SMC3: variants seen among roughly 807,000 people sequenced by gnomAD.
The protein encoded by SMC3 is structural maintenance of chromosomes protein 3.
Under a neutral mutation model 171.8 loss-of-function variants are expected in SMC3, and 20 were observed. That is an observed-to-expected ratio of 0.12 (90% CI 0.08 to 0.17). The LOEUF (loss-of-function observed/expected upper bound fraction) is 0.17, where lower values mean the gene tolerates loss of function less well. SMC3 is among the 10% of genes least tolerant of loss of function. The pLI is 1.00. For missense variants in SMC3, 543 were observed against 1,420.4 expected, an observed-to-expected ratio of 0.38 and a Z score of 9.93; for synonymous variants, 464 against 451.1, an observed-to-expected ratio of 1.03 and a Z score of -0.36.
In SMC3 at chr10:110,599,681, A is replaced by G; in HGVS notation, c.2296A>G (p.Ser766Gly). Reference protein sequence around the residue: ...KQRSLQSLEASLHAMESTRES... With the variant: ...KQRSLQSLEAGLHAMESTRES... Reference sequence around the variant, plus strand: ...ACGTAGCTTACAGAGTTTGGAGGCAAGCTTGCATGCTATGGAGTCTACCAG... The same window carrying G: ...ACGTAGCTTACAGAGTTTGGAGGCAGGCTTGCATGCTATGGAGTCTACCAG... Residue 766 changes from serine (S) to glycine (G), a missense_variant, in exon 21 of 29, where the codon AGC becomes GGC. Coordinates refer to ENST00000361804, the MANE Select transcript of SMC3 (RefSeq NM_005445.4). 1.2e-6 allele frequency: 2 copies of G among 1,614,172 alleles called. No homozygotes were observed. The highest frequency in any genetic ancestry group is 1.7e-5 in the Admixed American group (1 of 60,030).
rs551070869 is a variant in SMC3, at chr10:110,598,887, G to A, written c.2268+597G>A. On this transcript the variant is annotated intron_variant, in intron 20 of 28. Coordinates refer to ENST00000361804, the MANE Select transcript of SMC3 (RefSeq NM_005445.4). ...TTGTCAGTAACCATTTTTATCTGAA[G>A]CACAATGGAATTAGTTGAATATTTG... Among the ~76,000 whole-genome samples, 38 of 152,196 alleles carry A rather than the reference G, an allele frequency of 2.5e-4. 2 individuals carry two copies. The South Asian group carries it at 7.5e-3, about 30-fold the overall frequency.
At chr10:110,569,681 C>T (rs1860841011) in intron 2 of SMC3, among the ~76,000 whole-genome samples, 1 of 151,990 alleles carries the variant, frequency 6.6e-6, no homozygotes, top group South Asian at 2.1e-4. Flanking sequence ...TTCTGAGAAG[C>T]TTCAGTTTTC....
intron 2 of SMC3, among the ~76,000 whole-genome samples, chr10:110,572,993 A>G (rs1481765091): frequency 1.3e-5 from 2 of 152,098 alleles, no homozygotes; most frequent in African/African-American, 4.8e-5. Context: ...GCGTTTTTTT[A>G]AAAAGTACAT....
At chr10:110,580,872 C>T in intron 7 of SMC3, 32 bp from the exon 8 acceptor site, 1 of 1,123,378 alleles carries the variant, frequency 8.9e-7, no homozygotes, top group Non-Finnish European at 1.4e-6. Context: ...GAGGCTACAG[C>T]TATGTAATGA....
At chr10:110,569,342 G>C (rs773648332) in intron 2 of SMC3, among the ~76,000 whole-genome samples, 6 of 152,046 alleles carry the variant, frequency 3.9e-5, no homozygotes, top group Non-Finnish European at 8.8e-5. Context: ...TTCAGAGACA[G>C]ACAATTTTTA....
chr10:110,599,475 A>G (rs1861354204), intron 20 of SMC3, among the ~76,000 whole-genome samples, 179 bp from the exon 21 acceptor site: 1 of 152,138 alleles, frequency 6.6e-6, no homozygotes, highest in South Asian at 2.1e-4. Context: ...TGCCCCACCT[A>G]TACTATTACA....
At chr10:110,589,763 G>A in intron 14 of SMC3, 55 bp downstream of exon 14, 3 of 1,410,216 alleles carry the variant, frequency 2.1e-6, no homozygotes, top group East Asian at 2.3e-5. Flanking sequence ...GTTACTAGCT[G>A]TTATGTGGTC....
chr10:110,577,510 T>A lies in SMC3; in HGVS notation c.270+18T>A, dbSNP rs1343930250. 5.9e-6 allele frequency: 9 copies of A among 1,521,492 alleles called. 1 individual carries two copies. The highest frequency in any genetic ancestry group is 3.4e-5 in the South Asian group (3 of 88,982). The allele number at this position is 1,521,492 out of a possible 1,614,324, so 94.2% of individuals were successfully genotyped here. A position where few individuals can be genotyped will look rare whatever the true frequency, so the allele number is the denominator to read the frequency against. On this transcript the variant is annotated intron_variant, in intron 5 of 28. Transcript: ENST00000361804. ...GGTTACCAGTAAGTAACTTTTTTTTTAAAGTAATGTTGAGAATTTAATTGG... is the reference window on the plus strand; with the variant it reads ...GGTTACCAGTAAGTAACTTTTTTTTAAAAGTAATGTTGAGAATTTAATTGG...
chr10:110,604,506 C>G lies in SMC3; in HGVS notation c.*204C>G, dbSNP rs1380082700. 3 of 509,798 alleles carry G rather than the reference C, an allele frequency of 5.9e-6. No individual in the cohort carries two copies. The highest frequency in any genetic ancestry group is 1.0e-5 in the Non-Finnish European group (3 of 287,148). The allele number at this position is 509,798 out of a possible 1,614,324, so 31.6% of individuals were successfully genotyped here. On this transcript the variant is annotated 3_prime_UTR_variant, in exon 29 of 29. Transcript: ENST00000361804. ...TAGTTTAAGAATTTAATTTCCTGTA[C>G]AACTTTTTGTAAAATGTTCTGCTCC...
Position 110,601,632 on chromosome 10 carries a change from C to G in SMC3, c.2645-5C>G, listed in dbSNP as rs759657103. 3.1e-6 allele frequency: 5 copies of G among 1,610,500 alleles called. No individual in the cohort carries two copies. The African/African-American group carries it at 6.7e-5, about 22-fold the overall frequency. ...ATAGCCTAATTTTGTTTCCCCCCAT[C>G]TTAGATTTGGACAATTCCATTGATA... On this transcript the variant is annotated splice_region_variant and splice_polypyrimidine_tract_variant and intron_variant, in intron 23 of 28. Coordinates refer to ENST00000361804, the MANE Select transcript of SMC3 (RefSeq NM_005445.4).
At chr10:110,582,361 GTTGTA>G (rs1590555527) in intron 9 of SMC3, among the ~76,000 whole-genome samples, 196 bp from the exon 10 acceptor site, 2 of 13,290 alleles carry the variant, frequency 1.5e-4, no homozygotes, top group East Asian at 2.0e-3. Context: ...GCTTCTTGTA[GTTGTA>G]GTATATCCTA....
At chr10:110,573,605 G>T (rs1860905527) in intron 2 of SMC3, 102 bp from the exon 3 acceptor site, 3 of 782,416 alleles carry the variant, frequency 3.8e-6, no homozygotes, top group Non-Finnish European at 6.4e-6. Context: ...AGATGTATTA[G>T]AAAATTGGAT....
intron 23 of SMC3, 99 bp from the exon 24 acceptor site, chr10:110,601,537 TA>T: frequency 7.6e-7 from 1 of 1,317,496 alleles, no homozygotes; most frequent in Non-Finnish European, 1.1e-6. Context: ...ACACAAAACC[TA>T]AAACCTATTT....
intron 19 of SMC3, 103 bp downstream of exon 19, chr10:110,596,653 GTGTTT>G (rs1210515370): frequency 8.2e-6 from 9 of 1,093,932 alleles, no homozygotes; most frequent in South Asian, 4.7e-5. Flanking sequence ...AAAATTTCTT[GTGTTT>G]TAAGTTCAAG....
Position 110,575,383 on chromosome 10 carries a change from C to T in SMC3, c.178C>T (p.Gln60Ter). ...SDEFSHLRPEQRLALLHEGTG... is the reference protein window; with the variant it reads ...SDEFSHLRPE ...TGAGTTTAGTCATCTTCGTCCAGAA[C>T]AGCGGTTGGCTTTATTGCATGTGAG... Residue 60 changes from glutamine (Q) to a stop codon, truncating the protein, a stop_gained, in exon 4 of 29, where the codon CAG (glutamine) becomes TAG (stop). Transcript: ENST00000361804. LOFTEE classifies it high-confidence loss of function. 1 of 1,613,364 alleles carries T rather than the reference C, an allele frequency of 6.2e-7. No individual in the cohort carries two copies. The highest frequency in any genetic ancestry group is 8.5e-7 in the Non-Finnish European group (1 of 1,179,444).
In SMC3 at chr10:110,596,525, T is replaced by C. The variant is rs1861302844; in HGVS notation, c.2091T>C (p.Asn697=). 3 of 1,614,080 alleles carry C rather than the reference T, an allele frequency of 1.9e-6. No individual in the cohort carries two copies. The highest frequency in any genetic ancestry group is 2.2e-5 in the East Asian group (1 of 44,864). Residue 697 remains asparagine (N), a synonymous_variant, in exon 19 of 29, where the codon AAT becomes AAC. Coordinates refer to ENST00000361804, the MANE Select transcript of SMC3 (RefSeq NM_005445.4). ...EELGELEAKL[N]ENLRRNIERI... is the part of the protein sequence containing the mutation. ...TAGGTGAACTTGAAGCAAAGCTCAA[T>C]GAAAACCTGCGCAGAAATATTGAAA...
chr10:110,600,944 T>G (rs1334643877), intron 22 of SMC3, 78 bp from the exon 23 acceptor site: 2 of 1,041,452 alleles, frequency 1.9e-6, no homozygotes, highest in Non-Finnish European at 3.0e-6. Flanking sequence ...TTCTTGAATG[T>G]TTATTCAGAC....
At chr10:110,597,037 G>A (rs1239109646) in intron 19 of SMC3, among the ~76,000 whole-genome samples, 4 of 151,776 alleles carry the variant, frequency 2.6e-5, no homozygotes, top group Non-Finnish European at 2.9e-5. Context: ...CCAGCTACTT[G>A]GGAGGCTGAG....
chr10:110,604,466 T>C lies in SMC3; in HGVS notation c.*164T>C, dbSNP rs1564796710. 5.0e-6 allele frequency: 3 copies of C among 600,344 alleles called. No individual in the cohort carries two copies. The highest frequency in any genetic ancestry group is 8.9e-6 in the Non-Finnish European group (3 of 337,070). 37.2% of individuals were successfully genotyped at this position (600,344 alleles called of 1,614,324 possible). On this transcript the variant is annotated 3_prime_UTR_variant, in exon 29 of 29. Coordinates refer to ENST00000361804, the MANE Select transcript of SMC3 (RefSeq NM_005445.4). ...GTATTTTATAAGATACTCTGTAATG[T>C]CATGTTTGTACTGATAGTTTAAGAA...
Sources: gnomAD v4.1 joint callset for allele counts (sites outside exome capture counted in the v4.1 genomes callset) on GRCh38, gnomAD v4.1.1 for gene constraint, MANE v1.5 for transcripts, NCBI Gene and HGNC (gene_info 2026-07-23, HGNC 2026-07-21) for gene names.